FSTL5: variants seen among roughly 807,000 people sequenced by gnomAD.
The protein encoded by FSTL5 is follistatin-related protein 5.
Under a neutral mutation model 89.1 loss-of-function variants are expected in FSTL5, and 62 were observed. The observed-to-expected ratio is 0.70, with a 90% CI of 0.57 to 0.86. The LOEUF is 0.86. Among genes scored for constraint, FSTL5 ranks in the 40% least tolerant of loss-of-function variants. The pLI is 0.00. For synonymous variants in FSTL5, 383 were observed against 346.2 expected (o/e 1.11, Z -1.18); for missense variants, 1,057 against 1,001.6 (o/e 1.06, Z -0.75).
intron 4 of FSTL5, among the ~76,000 whole-genome samples, chr4:161,850,681 C>A (rs918684204): frequency 1.3e-5 from 2 of 152,122 alleles, no homozygotes; most frequent in African/African-American, 4.8e-5. Context: ...AGTGACTTTT[C>A]TCTCCATTAA....
intron 4 of FSTL5, among the ~76,000 whole-genome samples, chr4:161,847,886 A>G (rs1345052463): frequency 6.6e-6 from 1 of 151,598 alleles, no homozygotes; most frequent in Non-Finnish European, 1.5e-5. Context: ...AAATACAAAA[A>G]TTATCTGGGT....
At chr4:161,398,208 T>C (rs1217301913) in intron 15 of FSTL5, among the ~76,000 whole-genome samples, 2 of 152,110 alleles carry the variant, frequency 1.3e-5, no homozygotes, top group Non-Finnish European at 2.9e-5. Context: ...TGCACAAGGA[T>C]ATTTATTGCA....
chr4:162,133,140 G>C (rs1732380517), intron 1 of FSTL5, among the ~76,000 whole-genome samples: 1 of 152,108 alleles, frequency 6.6e-6, no homozygotes, highest in Non-Finnish European at 1.5e-5. Flanking sequence ...TAGTAGAGAC[G>C]GGGTTTCACT....
At chr4:161,655,715 A>G (rs1375588541) in intron 7 of FSTL5, among the ~76,000 whole-genome samples, 2 of 152,184 alleles carry the variant, frequency 1.3e-5, no homozygotes, top group Admixed American at 1.3e-4. Context: ...AAATAGTTTT[A>G]GAAATGTTCT....
At chr4:161,718,211 T>A (rs1322236645) in intron 6 of FSTL5, among the ~76,000 whole-genome samples, 5 of 152,200 alleles carry the variant, frequency 3.3e-5, no homozygotes, top group Non-Finnish European at 7.4e-5. Context: ...GAAATGAACT[T>A]CACTATACTC....
At chr4:162,073,158 G>A (rs868569303) in intron 2 of FSTL5, among the ~76,000 whole-genome samples, 2 of 151,636 alleles carry the variant, frequency 1.3e-5, no homozygotes, top group African/African-American at 4.8e-5. Context: ...TATGTATATA[G>A]ACACATATAA....
At chr4:161,758,579 C>T (rs756628911) in intron 6 of FSTL5, among the ~76,000 whole-genome samples, 2 of 152,016 alleles carry the variant, frequency 1.3e-5, no homozygotes, top group Admixed American at 6.5e-5. Flanking sequence ...ACTGCAATGG[C>T]GCCATCTTGG....
intron 7 of FSTL5, among the ~76,000 whole-genome samples, chr4:161,635,057 T>C (rs1578983464): frequency 1.3e-5 from 2 of 152,208 alleles, no homozygotes; most frequent in South Asian, 4.1e-4. Flanking sequence ...ATCTTGTAAT[T>C]GAAACTATGT....
chr4:161,426,885 A>G (rs1252311069), intron 15 of FSTL5, among the ~76,000 whole-genome samples: 2 of 152,242 alleles, frequency 1.3e-5, no homozygotes, highest in African/African-American at 4.8e-5. Context: ...GTTTTCTAAA[A>G]TACACATATT....
intron 3 of FSTL5, among the ~76,000 whole-genome samples, chr4:161,979,560 T>A (rs1210041696): frequency 6.6e-6 from 1 of 152,124 alleles, no homozygotes; most frequent in Non-Finnish European, 1.5e-5. Context: ...TCTCCCTCTT[T>A]CATTTCCTCA....
At chr4:161,672,137 C>T (rs1401738913) in intron 6 of FSTL5, among the ~76,000 whole-genome samples, 3 of 152,144 alleles carry the variant, frequency 2.0e-5, no homozygotes, top group South Asian at 2.1e-4. Flanking sequence ...CTCTTTGCCA[C>T]GACTTTCTCT....
intron 1 of FSTL5, among the ~76,000 whole-genome samples, chr4:162,147,598 T>C (rs895528918): frequency 1.3e-5 from 2 of 152,138 alleles, no homozygotes. Flanking sequence ...GTGTACTCTG[T>C]AAGTTACAGT....
At chr4:161,914,458 G>A (rs1480321909) in intron 4 of FSTL5, among the ~76,000 whole-genome samples, 23 of 152,074 alleles carry the variant, frequency 1.5e-4, no homozygotes, top group Admixed American at 1.5e-3. Flanking sequence ...GGGGAGAAAT[G>A]TAGTGGGGTA....
chr4:161,699,302 T>C (rs1223639897), intron 6 of FSTL5, among the ~76,000 whole-genome samples: 2 of 152,222 alleles, frequency 1.3e-5, no homozygotes, highest in African/African-American at 2.4e-5. Context: ...AAAGATTTCA[T>C]GCAAATGGCT....
intron 9 of FSTL5, among the ~76,000 whole-genome samples, chr4:161,539,917 T>C: frequency 6.6e-6 from 1 of 151,638 alleles, no homozygotes; most frequent in East Asian, 2.0e-4. Context: ...TTTTTTTTTT[T>C]TTCAGGATCC....
chr4:161,844,067 A>G (rs994188301), intron 4 of FSTL5, among the ~76,000 whole-genome samples: 1 of 152,220 alleles, frequency 6.6e-6, no homozygotes, highest in Non-Finnish European at 1.5e-5. Context: ...GCTAATATCC[A>G]GAATCTGCAA....
At chr4:161,631,895 G>T (rs2126656930) in intron 7 of FSTL5, among the ~76,000 whole-genome samples, 1 of 152,120 alleles carries the variant, frequency 6.6e-6, no homozygotes, top group East Asian at 1.9e-4. Context: ...TTCTAGTATA[G>T]TATTTATGTG....
intron 8 of FSTL5, among the ~76,000 whole-genome samples, chr4:161,562,619 A>AT (rs201819569): frequency 0.012 from 1,378 of 115,432 alleles, 18 homozygotes; most frequent in African/African-American, 0.037. Flanking sequence ...TTTTCCTAAT[A>AT]TTGTTTTTTT....
chr4:161,595,401 C>G (rs4355346), intron 7 of FSTL5, among the ~76,000 whole-genome samples: 1 of 151,754 alleles, frequency 6.6e-6, no homozygotes, highest in Non-Finnish European at 1.5e-5. Context: ...ATCAGAGATT[C>G]AATCTTTATG....
Sources: gnomAD v4.1 joint callset for allele counts (sites outside exome capture counted in the v4.1 genomes callset) on GRCh38, gnomAD v4.1.1 for gene constraint, MANE v1.5 for transcripts, NCBI Gene and HGNC (gene_info 2026-07-23, HGNC 2026-07-21) for gene names.